Variants in GATAD2B observed in about 807,000 individuals in gnomAD.
The protein encoded by GATAD2B is GATA zinc finger domain containing 2B, also known as transcriptional repressor p66-beta.
A neutral mutation model predicts 64.3 loss-of-function variants in GATAD2B; 8 were observed. The ratio of observed to expected loss-of-function variants is 0.12; its 90% CI spans 0.07 to 0.22. GATAD2B has a LOEUF of 0.22. Among genes scored for constraint, GATAD2B ranks in the 10% least tolerant of loss-of-function variants. GATAD2B has a pLI of 1.00. For synonymous variants in GATAD2B, 281 were observed against 271.3 expected (o/e 1.04, Z -0.35); for missense variants, 453 against 752.0 (o/e 0.60, Z 4.65).
At chr1:153,895,172 CAAACAAAAA>C (rs1200964914) in intron 1 of GATAD2B, among the ~76,000 whole-genome samples, 2 of 150,608 alleles carry the variant, frequency 1.3e-5, no homozygotes, top group Admixed American at 1.3e-4. Flanking sequence ...AACAAACAAA[CAAACAAAAA>C]GTTAGCTGGG....
At chr1:153,836,263 GTTTTT>G (rs754264117) in intron 1 of GATAD2B, among the ~76,000 whole-genome samples, 1 of 106,576 alleles carries the variant, frequency 9.4e-6, no homozygotes, top group Admixed American at 9.7e-5. Context: ...AAAAAAATTT[GTTTTT>G]TTTTTTTTTT....
chr1:153,815,280 C>CA (rs1159204191), intron 7 of GATAD2B, among the ~76,000 whole-genome samples: 5,457 of 66,194 alleles, frequency 0.082, 594 homozygotes, highest in Non-Finnish European at 0.1. Context: ...CTCAAAAAAA[C>CA]AAAAAAAAAA....
At chr1:153,915,770 A>C (rs1200129600) in intron 1 of GATAD2B, among the ~76,000 whole-genome samples, 3 of 151,702 alleles carry the variant, frequency 2.0e-5, no homozygotes, top group African/African-American at 7.3e-5. Context: ...AAGAAAAGAA[A>C]AACCACTGTA....
At chr1:153,819,819 C>A in intron 2 of GATAD2B, 84 bp from the exon 3 acceptor site, 2 of 1,271,216 alleles carry the variant, frequency 1.6e-6, no homozygotes, top group Non-Finnish European at 2.2e-6. Flanking sequence ...CCAAGGGGGG[C>A]CGGGTGCGGT....
At chr1:153,823,936 G>T (rs1329250534) in intron 2 of GATAD2B, among the ~76,000 whole-genome samples, 1 of 150,794 alleles carries the variant, frequency 6.6e-6, no homozygotes, top group African/African-American at 2.4e-5. Flanking sequence ...CACCATGTTG[G>T]CCAGGCTGGT....
At chr1:153,847,319 G>A (rs1178512207) in intron 1 of GATAD2B, among the ~76,000 whole-genome samples, 1 of 152,092 alleles carries the variant, frequency 6.6e-6, no homozygotes, top group East Asian at 1.9e-4. Flanking sequence ...CTTAATTATT[G>A]TATTTAGTCC....
rs147709119 is a variant in GATAD2B, at chr1:153,839,773, C to T, written c.-1-11425G>A. ...TCACTTGAGGTTAGGAGTTTGAAAC[C>T]AGCCTGACTAACATGGTGAGACCCC... is the stretch of plus-strand genomic sequence containing the variant. On this transcript the variant is annotated intron_variant, in intron 1 of 10. Transcript: ENST00000368655. Among the ~76,000 whole-genome samples, 305 of 152,094 alleles carry T rather than the reference C, an allele frequency of 2.0e-3. 3 individuals carry two copies. Among genetic ancestry groups the T allele is most frequent in the African/African-American group, 7.0e-3 (289 of 41,486 alleles).
chr1:153,832,619 T>A (rs76789167), intron 1 of GATAD2B, among the ~76,000 whole-genome samples: 1 of 152,360 alleles, frequency 6.6e-6, no homozygotes, highest in South Asian at 2.1e-4. Context: ...AAGTGACACA[T>A]TAACAGTACA....
chr1:153,869,758 A>T (rs1309735039), intron 1 of GATAD2B, among the ~76,000 whole-genome samples: 1 of 152,200 alleles, frequency 6.6e-6, no homozygotes, highest in Non-Finnish European at 1.5e-5. Flanking sequence ...ATGCATGCAT[A>T]CACACGTAAC....
At chr1:153,885,863 C>CAAAA (rs778577435) in intron 1 of GATAD2B, among the ~76,000 whole-genome samples, 13 of 53,660 alleles carry the variant, frequency 2.4e-4, no homozygotes, top group African/African-American at 6.8e-4. Flanking sequence ...ACTCCGTCTC[C>CAAAA]AAAAAAAAAA....
At chr1:153,858,956 C>G (rs1473990692) in intron 1 of GATAD2B, among the ~76,000 whole-genome samples, 4 of 151,970 alleles carry the variant, frequency 2.6e-5, no homozygotes, top group Admixed American at 1.3e-4. Context: ...GTGCAAATAT[C>G]TGGGAGAGGA....
At chr1:153,868,519 T>A (rs909630682) in intron 1 of GATAD2B, among the ~76,000 whole-genome samples, 1 of 152,052 alleles carries the variant, frequency 6.6e-6, no homozygotes, top group Non-Finnish European at 1.5e-5. Flanking sequence ...AGTTCTTTTT[T>A]AAAAAATTTA....
chr1:153,808,585 C>G lies in GATAD2B; in HGVS notation c.*1592G>C, dbSNP rs1030303119. 1.3e-5 allele frequency: 2 copies of G among 152,464 alleles called. No homozygotes were observed. The highest frequency in any genetic ancestry group is 3.8e-4 in the East Asian group (2 of 5,198). 9.4% of individuals were successfully genotyped at this position (152,464 alleles called of 1,614,324 possible). ...TTCTTCTCTGCTGAGAACATTCCCC[C>G]CAGTGCACTCTGGCAGCTTCTGGAG... On this transcript the variant is annotated 3_prime_UTR_variant, in exon 11 of 11. Transcript: ENST00000368655.
chr1:153,912,220 A>G (rs1678129208), intron 1 of GATAD2B, among the ~76,000 whole-genome samples: 1 of 152,202 alleles, frequency 6.6e-6, no homozygotes, highest in African/African-American at 2.4e-5. Flanking sequence ...ATGTAAATTC[A>G]TGAGTTCTCA....
chr1:153,819,575 C>G (rs1473562537), intron 3 of GATAD2B, 31 bp downstream of exon 3: 2 of 1,498,278 alleles, frequency 1.3e-6, no homozygotes, highest in Non-Finnish European at 9.1e-7. Context: ...AGGAGCATAA[C>G]AAGAAGAAAG....
At chr1:153,836,442 G>A (rs1475270922) in intron 1 of GATAD2B, among the ~76,000 whole-genome samples, 1 of 151,570 alleles carries the variant, frequency 6.6e-6, no homozygotes, top group Non-Finnish European at 1.5e-5. Context: ...GTAGAGACGA[G>A]GTTTCTCCAT....
chr1:153,915,797 C>T (rs1418972124), intron 1 of GATAD2B, among the ~76,000 whole-genome samples: 2 of 147,568 alleles, frequency 1.4e-5, no homozygotes, highest in Non-Finnish European at 3.0e-5. Flanking sequence ...CACACATTAA[C>T]TATAAGGTAC....
chr1:153,904,958 T>C (rs1244658871), intron 1 of GATAD2B, among the ~76,000 whole-genome samples: 1 of 151,004 alleles, frequency 6.6e-6, no homozygotes, highest in Non-Finnish European at 1.5e-5. Context: ...CTGCCTGCCT[T>C]GGCCTCCCGA....
chr1:153,841,741 C>A (rs1369626768), intron 1 of GATAD2B, among the ~76,000 whole-genome samples: 4 of 152,242 alleles, frequency 2.6e-5, no homozygotes, highest in Admixed American at 2.6e-4. Context: ...AGGAATACAG[C>A]TGCTATGAAC....
Sources: gnomAD v4.1 joint callset for allele counts (sites outside exome capture counted in the v4.1 genomes callset) on GRCh38, gnomAD v4.1.1 for gene constraint, MANE v1.5 for transcripts, NCBI Gene and HGNC (gene_info 2026-07-23, HGNC 2026-07-21) for gene names.